SPOCK3: variants seen among roughly 807,000 people sequenced by gnomAD.
The protein encoded by SPOCK3 is testican-3.
A neutral mutation model predicts 56.6 loss-of-function variants in SPOCK3; 30 were observed. That is an observed-to-expected ratio of 0.53 (90% CI 0.40 to 0.72). The LOEUF (loss-of-function observed/expected upper bound fraction) is 0.72. SPOCK3 is among the 30% of genes least tolerant of loss of function. The pLI is 0.00. For missense variants in SPOCK3, 527 were observed against 530.0 expected, an observed-to-expected ratio of 0.99 and a Z score of 0.06; for synonymous variants, 196 against 183.3, an observed-to-expected ratio of 1.07 and a Z score of -0.56.
intron 3 of SPOCK3, among the ~76,000 whole-genome samples, chr4:167,046,318 T>G (rs1262516706): frequency 6.6e-6 from 1 of 151,920 alleles, no homozygotes; most frequent in Non-Finnish European, 1.5e-5. Context: ...TCTTTTGCAT[T>G]TATTCTTCTT....
rs565078195 is a variant in SPOCK3, at chr4:166,949,637, G to C, written c.351-36894C>G. 5.9e-3 allele frequency among the ~76,000 whole-genome samples: 899 copies of C among 152,204 alleles called. 11 individuals are homozygous for C. Among genetic ancestry groups the C allele is most frequent in the African/African-American group, 0.021 (875 of 41,522 alleles). On this transcript the variant is annotated intron_variant, in intron 4 of 10. Transcript: ENST00000357545. Reference sequence around the variant, plus strand: ...CCCTGTTTGCCTGGGTATCCACAGCGGTGTTTGCAGAACAGCGGTTTTTCA... The same window carrying C: ...CCCTGTTTGCCTGGGTATCCACAGCCGTGTTTGCAGAACAGCGGTTTTTCA...
At chr4:167,161,015 C>T (rs191872431) in intron 2 of SPOCK3, among the ~76,000 whole-genome samples, 2 of 151,952 alleles carry the variant, frequency 1.3e-5, no homozygotes, top group Non-Finnish European at 2.9e-5. Flanking sequence ...CACCAAAAGC[C>T]ATGGCAACAA....
intron 4 of SPOCK3, among the ~76,000 whole-genome samples, chr4:166,930,726 T>C (rs1478463804): frequency 3.3e-5 from 5 of 152,216 alleles, no homozygotes; most frequent in Admixed American, 2.6e-4. Context: ...AGACAGGAAG[T>C]TAGCATGCAT....
At chr4:166,946,645 G>C (rs1741787556) in intron 4 of SPOCK3, among the ~76,000 whole-genome samples, 2 of 152,154 alleles carry the variant, frequency 1.3e-5, no homozygotes, top group South Asian at 2.1e-4. Flanking sequence ...GCCCTGCCCT[G>C]TCTCTTTGGC....
chr4:166,794,589 C>G (rs991482790), intron 6 of SPOCK3, among the ~76,000 whole-genome samples: 5 of 150,478 alleles, frequency 3.3e-5, no homozygotes, highest in Admixed American at 1.3e-4. Context: ...ACAAATGCAT[C>G]TAACCCTTGA....
intron 7 of SPOCK3, among the ~76,000 whole-genome samples, chr4:166,766,668 G>C (rs1738110968): frequency 6.6e-6 from 1 of 152,150 alleles, no homozygotes; most frequent in African/African-American, 2.4e-5. Flanking sequence ...CTGTGTCTCT[G>C]CCAGGCTTTG....
chr4:167,217,307 G>T (rs998698014), intron 2 of SPOCK3, among the ~76,000 whole-genome samples: 1 of 151,766 alleles, frequency 6.6e-6, no homozygotes, highest in South Asian at 2.1e-4. Context: ...TGAAAATACC[G>T]AGGAAAAAAA....
intron 2 of SPOCK3, among the ~76,000 whole-genome samples, chr4:167,216,346 C>A (rs1735357350): frequency 6.6e-6 from 1 of 151,726 alleles, no homozygotes; most frequent in African/African-American, 2.4e-5. Context: ...AGATTTTAAA[C>A]AGAAGAACAA....
At chr4:166,811,124 C>G (rs1479480034) in intron 6 of SPOCK3, among the ~76,000 whole-genome samples, 1 of 151,758 alleles carries the variant, frequency 6.6e-6, no homozygotes, top group East Asian at 1.9e-4. Flanking sequence ...TGCATTTCTT[C>G]TATTTCGCAT....
intron 2 of SPOCK3, among the ~76,000 whole-genome samples, chr4:167,197,431 T>C (rs575175591): frequency 6.6e-6 from 1 of 152,158 alleles, no homozygotes; most frequent in Non-Finnish European, 1.5e-5. Flanking sequence ...GACGTGAAAT[T>C]TAGGCTATTA....
intron 2 of SPOCK3, among the ~76,000 whole-genome samples, chr4:167,097,283 A>G (rs940585492): frequency 1.3e-5 from 2 of 151,784 alleles, no homozygotes; most frequent in Non-Finnish European, 2.9e-5. Flanking sequence ...GTTTTATTTG[A>G]GAACTTATAT....
chr4:166,924,800 C>T (rs1738893525), intron 4 of SPOCK3, among the ~76,000 whole-genome samples: 1 of 152,178 alleles, frequency 6.6e-6, no homozygotes, highest in Non-Finnish European at 1.5e-5. Context: ...CCACCGTCTT[C>T]CCACCATATT....
intron 9 of SPOCK3, among the ~76,000 whole-genome samples, chr4:166,739,053 C>T (rs2126371546): frequency 6.6e-6 from 1 of 152,068 alleles, no homozygotes; most frequent in African/African-American, 2.4e-5. Context: ...ACACTGACTT[C>T]CACAATGGTT....
intron 8 of SPOCK3, among the ~76,000 whole-genome samples, chr4:166,744,031 G>C (rs188094483): frequency 1.3e-5 from 2 of 152,266 alleles, no homozygotes; most frequent in East Asian, 3.9e-4. Flanking sequence ...CTGAGGGCAG[G>C]GCATAGCTGA....
chr4:167,195,967 G>A (rs2071531202), intron 2 of SPOCK3, among the ~76,000 whole-genome samples: 1 of 152,166 alleles, frequency 6.6e-6, no homozygotes, highest in African/African-American at 2.4e-5. Context: ...TATTGCTGAT[G>A]TCACTCTCAA....
chr4:166,828,434 A>G (rs541459727), intron 6 of SPOCK3, among the ~76,000 whole-genome samples: 44 of 152,110 alleles, frequency 2.9e-4, no homozygotes, highest in African/African-American at 1.0e-3. Flanking sequence ...GGGAAGAAAA[A>G]TATTTATTAT....
intron 3 of SPOCK3, among the ~76,000 whole-genome samples, chr4:167,021,347 G>A (rs1384259173): frequency 6.6e-6 from 1 of 151,688 alleles, no homozygotes; most frequent in Non-Finnish European, 1.5e-5. Context: ...CATTTCTTGC[G>A]AGTTAGTCCT....
intron 2 of SPOCK3, among the ~76,000 whole-genome samples, chr4:167,109,487 T>TA (rs1561225774): frequency 1.7e-5 from 2 of 115,406 alleles, no homozygotes; most frequent in Non-Finnish European, 1.7e-5. Flanking sequence ...TTATATAAAA[T>TA]ATATTTATAT....
chr4:166,814,355 GT>G (rs1031426591), intron 6 of SPOCK3, among the ~76,000 whole-genome samples: 1 of 152,048 alleles, frequency 6.6e-6, no homozygotes, highest in African/African-American at 2.4e-5. Context: ...GTAAAGTATT[GT>G]TTTTAGGTGT....
Sources: gnomAD v4.1 joint callset for allele counts (sites outside exome capture counted in the v4.1 genomes callset) on GRCh38, gnomAD v4.1.1 for gene constraint, MANE v1.5 for transcripts, NCBI Gene and HGNC (gene_info 2026-07-23, HGNC 2026-07-21) for gene names.